The following HIVEP3 variants were observed in gnomAD, a reference collection of about 807,000 sequenced individuals.
The protein encoded by HIVEP3 is HIVEP zinc finger 3, also known as transcription factor HIVEP3.
Under a neutral mutation model 152.8 loss-of-function variants are expected in HIVEP3, and 49 were observed. The ratio of observed to expected loss-of-function variants is 0.32; its 90% confidence interval spans 0.26 to 0.41. HIVEP3 has a LOEUF of 0.41. Among genes scored for constraint, HIVEP3 ranks in the 10% least tolerant of loss-of-function variants. The pLI, the probability that HIVEP3 is intolerant of heterozygous loss-of-function variation, is 1.00. For missense variants in HIVEP3, 2,790 were observed against 3,103.3 expected, an observed-to-expected ratio of 0.90 and a Z score of 2.40; for synonymous variants, 1,269 against 1,289.0, an observed-to-expected ratio of 0.98 and a Z score of 0.33.
At chr1:41,529,377 A>C in intron 5 of HIVEP3, among the ~76,000 whole-genome samples, 1 of 99,774 alleles carries the variant, frequency 1.0e-5, no homozygotes, top group Admixed American at 1.1e-4. Flanking sequence ...GCTCACCCTC[A>C]CATGCTCACC....
intron 1 of HIVEP3, among the ~76,000 whole-genome samples, chr1:41,954,174 A>G (rs1645125819): frequency 6.6e-6 from 1 of 152,184 alleles, no homozygotes; most frequent in Non-Finnish European, 1.5e-5. Context: ...ATTCCCCAGG[A>G]CAGATGCAGC....
intron 1 of HIVEP3, among the ~76,000 whole-genome samples, chr1:41,968,898 A>G (rs776590237): frequency 2.6e-5 from 4 of 152,180 alleles, no homozygotes; most frequent in Non-Finnish European, 5.9e-5. Context: ...AATCACAAGC[A>G]TTTCTATACA....
At chr1:41,939,155 G>A (rs1645034168) in intron 1 of HIVEP3, among the ~76,000 whole-genome samples, 1 of 151,966 alleles carries the variant, frequency 6.6e-6, no homozygotes, top group South Asian at 2.1e-4. Context: ...TCTTCTTTTT[G>A]TTTTATTGTG....
At chr1:42,023,783 G>T (rs1459151777) in intron 1 of HIVEP3, among the ~76,000 whole-genome samples, 3 of 152,196 alleles carry the variant, frequency 2.0e-5, no homozygotes, top group African/African-American at 7.2e-5. Context: ...CCAGAACCAT[G>T]AACCAATGAA....
intron 1 of HIVEP3, among the ~76,000 whole-genome samples, chr1:41,854,462 G>A (rs1186018534): frequency 2.0e-5 from 3 of 150,216 alleles, no homozygotes; most frequent in African/African-American, 4.9e-5. Context: ...TGCCCATGCC[G>A]ATCCCTGTGT....
At chr1:41,705,520 GA>G (rs1646420203) in intron 1 of HIVEP3, among the ~76,000 whole-genome samples, 1 of 152,186 alleles carries the variant, frequency 6.6e-6, no homozygotes, top group Non-Finnish European at 1.5e-5. Flanking sequence ...AGGATGTGAG[GA>G]AGGTTAAGGA....
intron 1 of HIVEP3, among the ~76,000 whole-genome samples, chr1:41,802,039 C>A (rs964775974): frequency 1.3e-5 from 2 of 152,248 alleles, no homozygotes; most frequent in Admixed American, 1.3e-4. Context: ...AATGCCATGG[C>A]GGCTGGGCCT....
chr1:41,937,266 T>C (rs2124483274), intron 1 of HIVEP3, among the ~76,000 whole-genome samples: 1 of 152,270 alleles, frequency 6.6e-6, no homozygotes, highest in South Asian at 2.1e-4. Context: ...ACCCCTCTCC[T>C]GCAGTCCTGG....
intron 5 of HIVEP3, among the ~76,000 whole-genome samples, chr1:41,552,981 T>G (rs1643912623): frequency 6.6e-6 from 1 of 152,220 alleles, no homozygotes; most frequent in Non-Finnish European, 1.5e-5. Flanking sequence ...GCTGTTGATT[T>G]GGGATGGAGA....
At chr1:41,734,693 C>T (rs181662686) in intron 1 of HIVEP3, among the ~76,000 whole-genome samples, 12 of 152,098 alleles carry the variant, frequency 7.9e-5, no homozygotes, top group African/African-American at 2.7e-4. Context: ...GTGGGTTGGG[C>T]AGTAGGAAGT....
At chr1:41,633,032 ACTT>A (rs1447471761) in intron 2 of HIVEP3, among the ~76,000 whole-genome samples, 9 of 151,570 alleles carry the variant, frequency 5.9e-5, no homozygotes, top group Non-Finnish European at 1.2e-4. Flanking sequence ...AAGGAGAGAG[ACTT>A]CTTCTGGCTG....
At chr1:41,588,291 G>A (rs1368015999) in intron 3 of HIVEP3, among the ~76,000 whole-genome samples, 1 of 152,200 alleles carries the variant, frequency 6.6e-6, no homozygotes, top group Non-Finnish European at 1.5e-5. Flanking sequence ...GCAAGGATCT[G>A]AGAGCAGCCC....
Position 41,580,331 on chromosome 1 carries a change from C to T in HIVEP3, c.4467G>A (p.Gln1489=), listed in dbSNP as rs1644383115. The T allele has an allele frequency of 6.2e-7, 1 of 1,614,084 alleles. No homozygotes were observed. Among genetic ancestry groups the T allele is most frequent in the African/African-American group, 1.3e-5 (1 of 74,930 alleles). ...TTTCTAGCTCCCTCCTGCCTTGGCCCTGGTTGCCTAAGTGGGATTTCTCTG... is the reference window on the plus strand; with the variant it reads ...TTTCTAGCTCCCTCCTGCCTTGGCCTTGGTTGCCTAAGTGGGATTTCTCTG... ...KRPEKSHLGN[Q]GQGRRELEML... The change falls in exon 4 of 9, where the codon CAG becomes CAA. Residue 1489 remains glutamine, a synonymous_variant. Coordinates refer to ENST00000372583, the MANE Select transcript of HIVEP3 (RefSeq NM_024503.5).
chr1:41,885,001 T>C (rs1158844989), intron 1 of HIVEP3, among the ~76,000 whole-genome samples: 1 of 152,212 alleles, frequency 6.6e-6, no homozygotes, highest in Non-Finnish European at 1.5e-5. Context: ...TGGATACAGC[T>C]GTCAAATTCC....
At chr1:41,752,261 A>G (rs534316764) in intron 1 of HIVEP3, among the ~76,000 whole-genome samples, 66 of 152,318 alleles carry the variant, frequency 4.3e-4, no homozygotes, top group African/African-American at 1.6e-3. Context: ...GTCAGCACAC[A>G]TGGAGTCTGT....
In HIVEP3 at chr1:41,580,962, G is replaced by T; in HGVS notation, c.3836C>A (p.Thr1279Lys). 6.2e-7 allele frequency: 1 copy of T among 1,604,724 alleles called. No homozygotes were observed. The highest frequency in any genetic ancestry group is 1.1e-5 in the South Asian group (1 of 89,478). The part of the protein sequence containing the change: ...ATGSAGLSPS[T>K]EYSSDIRLPP... ...TAGCCGGATGTCACTGCTGTACTCTGTGCTGGGGGAGAGGCCAGCACTTCC... is the reference window on the plus strand; with the variant it reads ...TAGCCGGATGTCACTGCTGTACTCTTTGCTGGGGGAGAGGCCAGCACTTCC... The change falls in exon 4 of 9, where the codon ACA becomes AAA. Residue 1279 changes from threonine to lysine, a missense_variant. Physicochemically the swap from Thr to Lys is moderately conservative, Grantham distance 78. This residue lies in a region of HIVEP3 where 1,078 missense variants were observed against 1,165.3 expected (regional missense o/e 0.93). Transcript: ENST00000372583.
At chr1:41,519,339 C>T (rs1179133088) in intron 6 of HIVEP3, among the ~76,000 whole-genome samples, 1 of 152,184 alleles carries the variant, frequency 6.6e-6, no homozygotes, top group Non-Finnish European at 1.5e-5. Context: ...TCTGTGGAAT[C>T]AGGGAACAGT....
intron 5 of HIVEP3, among the ~76,000 whole-genome samples, chr1:41,564,147 C>T (rs1372067619): frequency 2.0e-5 from 3 of 152,196 alleles, no homozygotes; most frequent in East Asian, 3.9e-4. Flanking sequence ...GAGCCGAGAT[C>T]GTGCCACTGC....
chr1:41,871,843 G>C (rs1187999312), intron 1 of HIVEP3, among the ~76,000 whole-genome samples: 3 of 152,184 alleles, frequency 2.0e-5, no homozygotes, highest in African/African-American at 7.2e-5. Flanking sequence ...CTCAGCTGCT[G>C]ATAATGCAAA....
Sources: gnomAD v4.1 joint callset for allele counts (sites outside exome capture counted in the v4.1 genomes callset) on GRCh38, gnomAD v4.1.1 for gene constraint, gnomAD v4.1.1 regional missense constraint, MANE v1.5 for transcripts, NCBI Gene and HGNC (gene_info 2026-07-23, HGNC 2026-07-21) for gene names.